DOCK8: variants seen among roughly 807,000 people sequenced by gnomAD.
The protein encoded by DOCK8 is dedicator of cytokinesis protein 8.
Under a neutral mutation model 245.6 loss-of-function variants are expected in DOCK8, and 141 were observed. The ratio of observed to expected loss-of-function variants is 0.57; its 90% CI spans 0.50 to 0.66. The LOEUF (loss-of-function observed/expected upper bound fraction) is 0.66. Among genes scored for constraint, DOCK8 ranks in the 30% least tolerant of loss-of-function variants. DOCK8 has a pLI of 0.00. For missense variants in DOCK8, 2,965 were observed against 2,603.4 expected, an observed-to-expected ratio of 1.14 and a Z score of -3.02; for synonymous variants, 1,168 against 970.2, an observed-to-expected ratio of 1.20 and a Z score of -3.79.
intron 16 of DOCK8, 44 bp downstream of exon 16, chr9:370,344 A>G (rs748379641): frequency 2.5e-6 from 4 of 1,575,828 alleles, no homozygotes; most frequent in East Asian, 2.2e-5. Flanking sequence ...AGATGGTTTC[A>G]TCATCTCCTG....
At chr9:416,865 C>T (rs917241022) in intron 29 of DOCK8, among the ~76,000 whole-genome samples, 3 of 152,182 alleles carry the variant, frequency 2.0e-5, no homozygotes, top group Admixed American at 1.3e-4. Flanking sequence ...TAACTATAAC[C>T]CTATGGCAAT....
chr9:348,634 C>G (rs35970615), intron 14 of DOCK8, among the ~76,000 whole-genome samples: 22,325 of 152,182 alleles, frequency 0.15, 1,949 homozygotes, highest in Non-Finnish European at 0.2. Context: ...GCATTTGACT[C>G]TGATCTTGAA....
At chr9:341,790 G>A (rs1478828393) in intron 14 of DOCK8, among the ~76,000 whole-genome samples, 1 of 152,146 alleles carries the variant, frequency 6.6e-6, no homozygotes, top group Non-Finnish European at 1.5e-5. Flanking sequence ...GGTGAGCATC[G>A]GGTGAGTGAA....
chr9:312,292 G>C, intron 6 of DOCK8, 126 bp downstream of exon 6: 2 of 1,190,616 alleles, frequency 1.7e-6, no homozygotes, highest in Non-Finnish European at 2.4e-6. Flanking sequence ...ATGATTTCTG[G>C]GGCCTCGTTT....
chr9:332,247 T>C, intron 9 of DOCK8, 151 bp from the exon 10 acceptor site: 1 of 608,344 alleles, frequency 1.6e-6, no homozygotes, highest in Non-Finnish European at 2.9e-6. Flanking sequence ...TATGCTATTC[T>C]TTATATAAAT....
intron 16 of DOCK8, 54 bp from the exon 17 acceptor site, chr9:371,374 A>G: frequency 6.2e-7 from 1 of 1,608,956 alleles, no homozygotes. Context: ...TTACAATCAG[A>G]GAAGTCATCA....
At chr9:417,989 G>T in intron 29 of DOCK8, 79 bp from the exon 30 acceptor site, 3 of 1,570,438 alleles carry the variant, frequency 1.9e-6, no homozygotes, top group Non-Finnish European at 2.6e-6. Flanking sequence ...TGACTGAGAA[G>T]TATCAGTCTC....
At chr9:438,335 T>C (rs1473898735) in intron 39 of DOCK8, among the ~76,000 whole-genome samples, 1 of 152,246 alleles carries the variant, frequency 6.6e-6, no homozygotes. Context: ...TGATTAGTTA[T>C]GCCTGCCATG....
intron 29 of DOCK8, among the ~76,000 whole-genome samples, chr9:415,727 A>C (rs947943143): frequency 7.6e-6 from 1 of 131,914 alleles, no homozygotes; most frequent in Non-Finnish European, 1.6e-5. Flanking sequence ...ATCCCATCAG[A>C]GTAGTTCTTG....
intron 10 of DOCK8, among the ~76,000 whole-genome samples, chr9:333,437 T>C (rs147866782): frequency 0.035 from 5,283 of 152,132 alleles, 318 homozygotes; most frequent in African/African-American, 0.12. Context: ...CCGTCTCTGC[T>C]AAAAATACAA....
At chr9:440,792 G>A (rs953376304) in intron 40 of DOCK8, among the ~76,000 whole-genome samples, 20 of 152,212 alleles carry the variant, frequency 1.3e-4, no homozygotes, top group African/African-American at 4.1e-4. Flanking sequence ...AGGCTGGAGT[G>A]CAGTGATGCA....
At chr9:309,584 T>C (rs2050007329) in intron 5 of DOCK8, among the ~76,000 whole-genome samples, 1 of 152,240 alleles carries the variant, frequency 6.6e-6, no homozygotes, top group Admixed American at 6.5e-5. Flanking sequence ...CCTAATGGAA[T>C]AAAACATCCA....
chr9:235,917 T>C (rs1309180223), intron 1 of DOCK8, among the ~76,000 whole-genome samples: 1 of 152,186 alleles, frequency 6.6e-6, no homozygotes, highest in Non-Finnish European at 1.5e-5. Flanking sequence ...GTCCTGTACC[T>C]ACTGTCTGGC....
intron 39 of DOCK8, among the ~76,000 whole-genome samples, chr9:437,804 C>G (rs1400712964): frequency 2.6e-5 from 4 of 152,212 alleles, no homozygotes; most frequent in Non-Finnish European, 4.4e-5. Context: ...TATTTCACAA[C>G]TGTAGATACG....
intron 8 of DOCK8, among the ~76,000 whole-genome samples, chr9:326,982 TAA>T (rs2050791205): frequency 6.6e-6 from 1 of 152,194 alleles, no homozygotes; most frequent in African/African-American, 2.4e-5. Flanking sequence ...AATACGACAC[TAA>T]GAGAGCCAGG....
chr9:452,243 T>A, intron 46 of DOCK8, 126 bp downstream of exon 46: 1 of 663,460 alleles, frequency 1.5e-6, no homozygotes, highest in Non-Finnish European at 2.7e-6. Context: ...CCTCCAGACC[T>A]GCTGAATTGG....
At chr9:315,591 G>A (rs921943030) in intron 6 of DOCK8, among the ~76,000 whole-genome samples, 1 of 152,150 alleles carries the variant, frequency 6.6e-6, no homozygotes, top group Non-Finnish European at 1.5e-5. Flanking sequence ...TTAAAGATAT[G>A]TACTGAAATA....
chr9:225,096 A>G (rs2046963077), intron 1 of DOCK8, among the ~76,000 whole-genome samples: 1 of 152,204 alleles, frequency 6.6e-6, no homozygotes. Context: ...TTTATTGCCT[A>G]TGACTTCCTC....
At chr9:400,031 T>TC (rs1564011671) in intron 26 of DOCK8, among the ~76,000 whole-genome samples, 70 of 58,540 alleles carry the variant, frequency 1.2e-3, no homozygotes, top group Admixed American at 4.2e-3. Context: ...ACCTCCACCA[T>TC]CACCACCACC....
Sources: gnomAD v4.1 joint callset for allele counts (sites outside exome capture counted in the v4.1 genomes callset) on GRCh38, gnomAD v4.1.1 for gene constraint, MANE v1.5 for transcripts, NCBI Gene and HGNC (gene_info 2026-07-23, HGNC 2026-07-21) for gene names.